Variants in FBXL17 observed in about 807,000 individuals in gnomAD.
The protein encoded by FBXL17 is F-box/LRR-repeat protein 17.
FBXL17 carries 22 observed loss-of-function variants against 66.2 expected under a neutral mutation model. The observed-to-expected ratio is 0.33, with a 90% CI of 0.24 to 0.47. The LOEUF (loss-of-function observed/expected upper bound fraction) is 0.47. FBXL17 is among the 20% of genes least tolerant of loss of function. FBXL17 has a pLI of 1.00. For synonymous variants in FBXL17, 474 were observed against 400.5 expected (o/e 1.18, Z -2.19); for missense variants, 878 against 948.2 (o/e 0.93, Z 0.97).
intron 4 of FBXL17, among the ~76,000 whole-genome samples, chr5:108,263,286 GAAAAT>G (rs1756911953): frequency 6.6e-6 from 1 of 151,508 alleles, no homozygotes; most frequent in South Asian, 2.1e-4. Flanking sequence ...AAATTAAATT[GAAAAT>G]AAAATAAAAT....
chr5:108,288,770 A>G (rs369168851), intron 4 of FBXL17, among the ~76,000 whole-genome samples: 1 of 151,972 alleles, frequency 6.6e-6, no homozygotes. Flanking sequence ...AATAACAAAA[A>G]AGTTGAAAAC....
chr5:107,937,014 T>C (rs12657654), intron 7 of FBXL17, among the ~76,000 whole-genome samples: 1 of 151,408 alleles, frequency 6.6e-6, no homozygotes, highest in East Asian at 1.9e-4. Flanking sequence ...AAAGTAACCA[T>C]GGATTAAAAA....
chr5:108,219,432 T>G lies in FBXL17; in HGVS notation c.1614+4689A>C, dbSNP rs144676038. The stretch of plus-strand genomic sequence containing the variant: ...TGGATGTGGTTGCTCACGCCTGTAA[T>G]CTCAGCACTTTGAGAGGCTGACATG... On this transcript the variant is annotated intron_variant, in intron 5 of 8. Coordinates refer to ENST00000542267, the MANE Select transcript of FBXL17 (RefSeq NM_001163315.3). Among the ~76,000 whole-genome samples, 141 of 152,340 alleles carry G rather than the reference T, an allele frequency of 9.3e-4. 6 individuals carry two copies. The East Asian group carries it at 0.024, about 26-fold the overall frequency.
rs150851347 is a variant in FBXL17 at position 107,912,932 on chromosome 5, C to T, written c.1823-31753G>A. 1.7e-3 allele frequency among the ~76,000 whole-genome samples: 256 copies of T among 152,202 alleles called. 3 individuals carry two copies. The highest frequency in any genetic ancestry group is 5.8e-3 in the African/African-American group (239 of 41,534). ...CGTTCTGAAAAAGTATAGTGTAAGACTTAGGGAGGAGCTAAGGTCTGATGT... is the reference window on the plus strand; with the variant it reads ...CGTTCTGAAAAAGTATAGTGTAAGATTTAGGGAGGAGCTAAGGTCTGATGT... On this transcript the variant is annotated intron_variant, in intron 7 of 8. Transcript: ENST00000542267.
At chr5:108,248,231 A>G (rs1232470128) in intron 4 of FBXL17, among the ~76,000 whole-genome samples, 1 of 152,168 alleles carries the variant, frequency 6.6e-6, no homozygotes, top group Admixed American at 6.6e-5. Flanking sequence ...GCAAACAAAC[A>G]AACACTCTCA....
At chr5:107,879,821 C>T (rs913232690) in intron 8 of FBXL17, 6 of 985,248 alleles carry the variant, frequency 6.1e-6, no homozygotes, top group Non-Finnish European at 7.2e-6. Flanking sequence ...TGAACTGGAC[C>T]TTTTCCAAGG....
At chr5:108,313,084 A>G (rs1373455411) in intron 4 of FBXL17, among the ~76,000 whole-genome samples, 1 of 152,118 alleles carries the variant, frequency 6.6e-6, no homozygotes, top group Non-Finnish European at 1.5e-5. Flanking sequence ...TTCTCCTTCT[A>G]ACTTCTGCTC....
intron 7 of FBXL17, among the ~76,000 whole-genome samples, chr5:107,893,432 C>T (rs1214485945): frequency 6.6e-6 from 1 of 152,176 alleles, no homozygotes; most frequent in Non-Finnish European, 1.5e-5. Context: ...TTATCACTTA[C>T]ATGGACCTAT....
At chr5:107,893,806 C>T (rs1749282831) in intron 7 of FBXL17, among the ~76,000 whole-genome samples, 1 of 152,110 alleles carries the variant, frequency 6.6e-6, no homozygotes, top group African/African-American at 2.4e-5. Flanking sequence ...CGACATAAAC[C>T]ATATAACAGT....
intron 4 of FBXL17, among the ~76,000 whole-genome samples, chr5:108,329,744 C>G (rs1760030274): frequency 6.6e-6 from 1 of 152,012 alleles, no homozygotes; most frequent in Non-Finnish European, 1.5e-5. Context: ...GATGAAATAA[C>G]TTAGAAGTTA....
chr5:108,239,071 T>C (rs1340401226), intron 4 of FBXL17, among the ~76,000 whole-genome samples: 1 of 151,966 alleles, frequency 6.6e-6, no homozygotes, highest in African/African-American at 2.4e-5. Context: ...CATTTTTTTT[T>C]TAGAGACAGT....
intron 6 of FBXL17, among the ~76,000 whole-genome samples, chr5:108,034,506 T>A (rs564688399): frequency 6.6e-6 from 1 of 152,282 alleles, no homozygotes; most frequent in African/African-American, 2.4e-5. Context: ...TTTCTTCAAA[T>A]CACTGAAAAT....
At chr5:108,164,266 C>T (rs1752328680) in intron 6 of FBXL17, among the ~76,000 whole-genome samples, 1 of 152,130 alleles carries the variant, frequency 6.6e-6, no homozygotes, top group African/African-American at 2.4e-5. Context: ...AAGTGAAAAA[C>T]ATGATCACTC....
At chr5:108,137,642 C>T (rs977493287) in intron 6 of FBXL17, among the ~76,000 whole-genome samples, 1 of 152,086 alleles carries the variant, frequency 6.6e-6, no homozygotes, top group Non-Finnish European at 1.5e-5. Flanking sequence ...ATGTACTGTA[C>T]TTGTGAATTA....
At chr5:108,051,900 G>A (rs1747489732) in intron 6 of FBXL17, among the ~76,000 whole-genome samples, 1 of 151,950 alleles carries the variant, frequency 6.6e-6, no homozygotes, top group African/African-American at 2.4e-5. Context: ...CATGAGGTCA[G>A]GAGATCTAGA....
chr5:108,288,252 C>A (rs1757976859), intron 4 of FBXL17, among the ~76,000 whole-genome samples: 1 of 151,486 alleles, frequency 6.6e-6, no homozygotes, highest in African/African-American at 2.4e-5. Flanking sequence ...CACATGTACC[C>A]CGAGCCTAAA....
At chr5:108,351,123 G>T (rs997094104) in intron 3 of FBXL17, among the ~76,000 whole-genome samples, 3 of 151,962 alleles carry the variant, frequency 2.0e-5, no homozygotes, top group African/African-American at 7.3e-5. Flanking sequence ...TAAAAACTAG[G>T]TAAAGAAATA....
intron 5 of FBXL17, among the ~76,000 whole-genome samples, chr5:108,208,794 G>T (rs1754239627): frequency 6.6e-6 from 1 of 152,138 alleles, no homozygotes; most frequent in Non-Finnish European, 1.5e-5. Flanking sequence ...GGCTATAAGG[G>T]CTCTTTTTTG....
chr5:108,021,184 T>A (rs889063387), intron 6 of FBXL17, among the ~76,000 whole-genome samples, 183 bp from the exon 7 acceptor site: 3 of 151,688 alleles, frequency 2.0e-5, no homozygotes, highest in African/African-American at 7.2e-5. Flanking sequence ...TTTATTTAAA[T>A]ACATTTATGA....
Sources: allele counts gnomAD v4.1 joint callset (sites outside exome capture counted in the v4.1 genomes callset), GRCh38; gene constraint gnomAD v4.1.1; transcripts MANE v1.5; gene names NCBI Gene and HGNC (gene_info 2026-07-23, HGNC 2026-07-21).